PRSS12: variants seen among roughly 807,000 people sequenced by gnomAD.
PRSS12 encodes serine protease 12, also known as neurotrypsin.
In PRSS12, 85 loss-of-function variants were observed where a neutral mutation model predicts 104.4. The observed-to-expected ratio is 0.81, with a 90% CI of 0.68 to 0.98. PRSS12 has a LOEUF of 0.98. Ranked by LOEUF, PRSS12 falls within the 50% of genes least tolerant of loss-of-function variation. The pLI, the probability that PRSS12 is intolerant of heterozygous loss-of-function variation, is 0.00. For synonymous variants in PRSS12, 454 were observed against 425.2 expected, an observed-to-expected ratio of 1.07 and a Z score of -0.83; for missense variants, 1,141 against 1,139.2, an observed-to-expected ratio of 1.00 and a Z score of -0.02.
At chr4:118,327,418 T>C (rs1321978391) in intron 4 of PRSS12, among the ~76,000 whole-genome samples, 3 of 152,030 alleles carry the variant, frequency 2.0e-5, no homozygotes, top group Non-Finnish European at 2.9e-5. Context: ...CCACAAAGTG[T>C]TGGGATTATA....
intron 1 of PRSS12, among the ~76,000 whole-genome samples, chr4:118,344,744 T>C (rs962230700): frequency 6.6e-6 from 1 of 152,226 alleles, no homozygotes; most frequent in Non-Finnish European, 1.5e-5. Context: ...GTGTGCTGAT[T>C]AGAAATTTAT....
Position 118,352,601 on chromosome 4 carries a change from A to G in PRSS12, c.120T>C (p.Gly40=), listed in dbSNP as rs573317117. The G allele has an allele frequency of 5.0e-5, 81 of 1,608,416 alleles. No homozygotes were observed. Among genetic ancestry groups the G allele is most frequent in the Non-Finnish European group, 5.7e-5 (67 of 1,177,692 alleles). ...TGGGAAGGTAATAGGGGTAGTGCGG[A>G]CCCGCAGGGGGCGAATGGCGGTGGC... ...HHSHRHSPPA[G]PHYPYYLPTQ... The change falls in exon 1 of 13, where the codon GGT becomes GGC. Residue 40 remains glycine, a synonymous_variant. Transcript: ENST00000296498.
intron 8 of PRSS12, among the ~76,000 whole-genome samples, chr4:118,299,769 TA>T (rs1275617704): frequency 0.014 from 560 of 40,902 alleles, 2 homozygotes; most frequent in African/African-American, 0.03. Flanking sequence ...TAAAATTAAA[TA>T]AAATAAAATA....
chr4:118,282,168 T>G lies in PRSS12; in HGVS notation c.2396A>C (p.Lys799Thr). The G allele has an allele frequency of 1.2e-6, 2 of 1,614,212 alleles. No individual in the cohort carries two copies. Among genetic ancestry groups the G allele is most frequent in the South Asian group, 2.2e-5 (2 of 91,088 alleles). The change falls in exon 13 of 13, where the codon AAG becomes ACG. Residue 799 changes from lysine (K) to threonine (T), a missense_variant. Transcript: ENST00000296498. ...AAGCATTCTCCCTGTAAACCGACCC[T>G]TATAACGTTCTTCACAAAACCTTTT... is the stretch of plus-strand genomic sequence containing the variant. The part of the protein sequence containing the change: ...LPKRFCEERY[K>T]GRFTGRMLCA...
chr4:118,327,157 A>G (rs1723795041), intron 4 of PRSS12, among the ~76,000 whole-genome samples: 1 of 152,110 alleles, frequency 6.6e-6, no homozygotes, highest in African/African-American at 2.4e-5. Flanking sequence ...AGCAAAGAAA[A>G]AAAATTTTTT....
At chr4:118,352,090 C>T in intron 1 of PRSS12, 129 bp downstream of exon 1, 2 of 1,350,012 alleles carry the variant, frequency 1.5e-6, no homozygotes, top group African/African-American at 1.5e-5. Flanking sequence ...CCCACCATCA[C>T]AGCCCGCAAA....
intron 1 of PRSS12, among the ~76,000 whole-genome samples, chr4:118,344,338 A>C (rs937305897): frequency 1.3e-5 from 2 of 151,780 alleles, no homozygotes; most frequent in African/African-American, 4.8e-5. Flanking sequence ...GAATTGGGGG[A>C]CTCTTGGTTG....
At chr4:118,289,783 GA>G (rs1397559933) in intron 11 of PRSS12, among the ~76,000 whole-genome samples, 3 of 152,160 alleles carry the variant, frequency 2.0e-5, no homozygotes, top group Admixed American at 6.5e-5. Context: ...AGCCAAGTCA[GA>G]AGGATATATA....
intron 4 of PRSS12, among the ~76,000 whole-genome samples, chr4:118,329,034 C>T (rs976593238): frequency 6.6e-6 from 1 of 152,078 alleles, no homozygotes; most frequent in African/African-American, 2.4e-5. Context: ...CCTCGTGATC[C>T]ACCCACCTCG....
chr4:118,284,973 T>A (rs545188557), intron 11 of PRSS12, among the ~76,000 whole-genome samples: 32 of 152,280 alleles, frequency 2.1e-4, no homozygotes, highest in African/African-American at 7.7e-4. Context: ...TAGTGTCTAT[T>A]TAAAATAAAA....
At chr4:118,312,614 A>C (rs182486551) in intron 7 of PRSS12, among the ~76,000 whole-genome samples, 1 of 152,190 alleles carries the variant, frequency 6.6e-6, no homozygotes, top group Non-Finnish European at 1.5e-5. Context: ...AGTCTAAAAA[A>C]ATGTAAATGA....
chr4:118,334,451 G>A (rs1405597273), intron 3 of PRSS12, among the ~76,000 whole-genome samples: 1 of 151,996 alleles, frequency 6.6e-6, no homozygotes, highest in African/African-American at 2.4e-5. Flanking sequence ...CATCATCCTT[G>A]AAGCAGCATT....
At chr4:118,297,146 T>C (rs1578906640) in intron 9 of PRSS12, among the ~76,000 whole-genome samples, 1 of 152,202 alleles carries the variant, frequency 6.6e-6, no homozygotes, top group Admixed American at 6.5e-5. Flanking sequence ...ACCTTATAGA[T>C]GTCACCAGGT....
Position 118,295,056 on chromosome 4 carries a change from C to T in PRSS12, c.1922G>A (p.Gly641Asp). ...CCGGAGGGAAACCTGCCAAGGCCAACCACCCCTAAGAAGAAAATGAGCTAC... is the reference window on the plus strand; with the variant it reads ...CCGGAGGGAAACCTGCCAAGGCCAATCACCCCTAAGAAGAAAATGAGCTAC... ...IIGGKNSLRG[G>D]WPWQVSLRLK... Residue 641 changes from glycine (G) to aspartate (D), a missense_variant, in exon 11 of 13, where the codon GGT (glycine) becomes GAT (aspartate). Coordinates refer to ENST00000296498, the MANE Select transcript of PRSS12 (RefSeq NM_003619.4). 6.2e-7 allele frequency: 1 copy of T among 1,613,906 alleles called. No homozygotes were observed. The highest frequency in any genetic ancestry group is 8.5e-7 in the Non-Finnish European group (1 of 1,179,986).
chr4:118,290,985 A>G (rs907165846), intron 11 of PRSS12, among the ~76,000 whole-genome samples: 1 of 152,096 alleles, frequency 6.6e-6, no homozygotes. Context: ...AATTTGCCAG[A>G]AAAAGGCATG....
At chr4:118,317,420 T>C (rs1187860297) in intron 5 of PRSS12, among the ~76,000 whole-genome samples, 1 of 152,200 alleles carries the variant, frequency 6.6e-6, no homozygotes, top group African/African-American at 2.4e-5. Flanking sequence ...CTCAGGGATC[T>C]TTTAAAGTAA....
At chr4:118,299,408 C>G (rs34082100) in intron 8 of PRSS12, among the ~76,000 whole-genome samples, 2 of 152,110 alleles carry the variant, frequency 1.3e-5, no homozygotes, top group African/African-American at 4.8e-5. Flanking sequence ...AGGCCGGGCA[C>G]GTTGGCTCAT....
At chr4:118,331,888 A>G in intron 3 of PRSS12, 22 bp from the exon 4 acceptor site, 2 of 1,613,402 alleles carry the variant, frequency 1.2e-6, no homozygotes, top group Non-Finnish European at 8.5e-7. Flanking sequence ...GAAGTTAAAA[A>G]TAAGCAAAAC....
chr4:118,352,100 A>ACGCAAGCCCACAAC (rs1724519883), intron 1 of PRSS12, 119 bp downstream of exon 1: 2 of 1,422,112 alleles, frequency 1.4e-6, no homozygotes, highest in African/African-American at 2.8e-5. Context: ...CAGCCCGCAA[A>ACGCAAGCCCACAAC]CGCAAGCCCA....
Sources: allele counts gnomAD v4.1 joint callset (sites outside exome capture counted in the v4.1 genomes callset), GRCh38; gene constraint gnomAD v4.1.1; transcripts MANE v1.5; gene names NCBI Gene and HGNC (gene_info 2026-07-23, HGNC 2026-07-21).